The following ZNF462 variants were observed in gnomAD, a reference collection of about 807,000 sequenced individuals.
ZNF462 encodes zinc finger PBX1-interacting protein.
Under a neutral mutation model 201.9 loss-of-function variants are expected in ZNF462, and 10 were observed. The observed-to-expected ratio is 0.05, with a 90% CI of 0.03 to 0.08. ZNF462 has a LOEUF of 0.08. Among genes scored for constraint, ZNF462 ranks in the 10% least tolerant of loss-of-function variants. The pLI is 1.00. For missense variants in ZNF462, 2,523 were observed against 3,168.3 expected (o/e 0.80, Z 4.89); for synonymous variants, 1,227 against 1,193.3 (o/e 1.03, Z -0.58).
chr9:106,917,470 G>A lies in ZNF462; in HGVS notation c.-30-5884G>A, dbSNP rs1040684789. Among the ~76,000 whole-genome samples the A allele has an allele frequency of 5.3e-5, 8 of 152,198 alleles. No homozygotes were observed. Among genetic ancestry groups the A allele is most frequent in the African/African-American group, 1.9e-4 (8 of 41,440 alleles). On this transcript the variant is annotated intron_variant, in intron 1 of 12. Coordinates refer to ENST00000277225, the MANE Select transcript of ZNF462 (RefSeq NM_021224.6). This position sits in a 1 kb window ranked among gnomAD's most constrained non-coding sequence, Gnocchi z 4.5. ...CAACTGTATACAACAGAGGCCACATGCATTGGCAGGACTTCATCTCATGGT... is the reference window on the plus strand; with the variant it reads ...CAACTGTATACAACAGAGGCCACATACATTGGCAGGACTTCATCTCATGGT...
rs1831917305 is a variant in ZNF462 at position 106,963,161 on chromosome 9, A to G, written c.6428-8844A>G. Among the ~76,000 whole-genome samples, 1 of 152,096 alleles carries G rather than the reference A, an allele frequency of 6.6e-6. No individual in the cohort carries two copies. Among genetic ancestry groups the G allele is most frequent in the African/African-American group, 2.4e-5 (1 of 41,432 alleles). On this transcript the variant is annotated intron_variant, in intron 7 of 12. Coordinates refer to ENST00000277225, the MANE Select transcript of ZNF462 (RefSeq NM_021224.6). The surrounding 1 kb of genome is among the most constrained non-coding windows in gnomAD (Gnocchi z 4.7). ...TTTGTGGTTTTTATTGTTTCTCTGG[A>G]TACCAAATTCTGCTCAGTGTTAACA...
intron 1 of ZNF462, among the ~76,000 whole-genome samples, chr9:106,908,285 T>C (rs919987641): frequency 1.3e-5 from 2 of 152,172 alleles, no homozygotes; most frequent in African/African-American, 2.4e-5. Flanking sequence ...ATCTGTTAAG[T>C]GCTTATGCCT....
intron 1 of ZNF462, among the ~76,000 whole-genome samples, chr9:106,884,273 G>A (rs1382651386): frequency 6.6e-6 from 1 of 152,174 alleles, no homozygotes; most frequent in African/African-American, 2.4e-5. Flanking sequence ...AAGGGAGGAA[G>A]AAGCAGCCAC....
chr9:107,009,752 C>T lies in ZNF462; in HGVS notation c.7313+84C>T. The T allele has an allele frequency of 6.4e-7, 1 of 1,573,128 alleles. No homozygotes were observed. The highest frequency in any genetic ancestry group is 8.6e-7 in the Non-Finnish European group (1 of 1,157,076). The stretch of plus-strand genomic sequence containing the variant: ...GGGGCTCTTGTTTTGGTTCCCCTGA[C>T]AGTATGTACACCCCTCTGTGTCACA... On this transcript the variant is annotated intron_variant, in intron 12 of 12. Coordinates refer to ENST00000277225, the MANE Select transcript of ZNF462 (RefSeq NM_021224.6). The surrounding 1 kb of genome is among the most constrained non-coding windows in gnomAD (Gnocchi z 6.1).
rs576848715 is a variant in ZNF462 at position 106,886,628 on chromosome 9, A to G, written c.-31+23273A>G. On this transcript the variant is annotated intron_variant, in intron 1 of 12. Transcript: ENST00000277225. The surrounding 1 kb of genome is among the most constrained non-coding windows in gnomAD (Gnocchi z 4.6). ...GAAACTGGTTATATGGACCTAGGAA[A>G]TCATCCCACTTAACCCCTTCATTTT... Among the ~76,000 whole-genome samples, 36 of 152,292 alleles carry G rather than the reference A, an allele frequency of 2.4e-4. No individual in the cohort carries two copies. The highest frequency in any genetic ancestry group is 8.3e-4 in the South Asian group (4 of 4,824).
Position 106,981,131 on chromosome 9 carries a change from C to T in ZNF462, c.6833-3055C>T, listed in dbSNP as rs1232657201. ...TCTAAAATTAATATCTCAGTAAAAA[C>T]TCACATAATTAAGAGATTTGGTAGA... On this transcript the variant is annotated intron_variant, in intron 9 of 12. Coordinates refer to ENST00000277225, the MANE Select transcript of ZNF462 (RefSeq NM_021224.6). The surrounding 1 kb of genome is among the most constrained non-coding windows in gnomAD (Gnocchi z 4.0). 6.6e-6 allele frequency among the ~76,000 whole-genome samples: 1 copy of T among 152,070 alleles called. No homozygotes were observed. Among genetic ancestry groups the T allele is most frequent in the Non-Finnish European group, 1.5e-5 (1 of 68,012 alleles).
chr9:106,943,072 G>GTC (rs1223458013), intron 7 of ZNF462, among the ~76,000 whole-genome samples: 1 of 150,826 alleles, frequency 6.6e-6, no homozygotes, highest in East Asian at 1.9e-4. Flanking sequence ...GTGTGTGTGT[G>GTC]TGTGTGTGTG....
intron 1 of ZNF462, among the ~76,000 whole-genome samples, chr9:106,894,474 T>G (rs1404811197): frequency 6.6e-6 from 1 of 152,240 alleles, no homozygotes; most frequent in East Asian, 1.9e-4. Flanking sequence ...GTCTTTATCT[T>G]AAGGAAAATG....
At chr9:106,959,637 C>G (rs986533793) in intron 7 of ZNF462, among the ~76,000 whole-genome samples, 3 of 152,084 alleles carry the variant, frequency 2.0e-5, no homozygotes, top group African/African-American at 7.2e-5. Context: ...CCTCAACATA[C>G]TCTGGGAGCT....
chr9:106,939,492 T>G (rs1392173033), intron 7 of ZNF462, among the ~76,000 whole-genome samples: 2 of 152,188 alleles, frequency 1.3e-5, no homozygotes, highest in East Asian at 3.8e-4. Flanking sequence ...GCGAAATGTT[T>G]GGGGAGACAG....
At chr9:106,969,231 GA>G (rs1268245045) in intron 7 of ZNF462, among the ~76,000 whole-genome samples, 14 of 150,788 alleles carry the variant, frequency 9.3e-5, no homozygotes, top group African/African-American at 7.3e-5. Flanking sequence ...TAACCAGGAG[GA>G]AAAAAAAAAT....
At position 106,925,175 on chromosome 9, in the gene ZNF462, C is replaced by G. The variant is rs1830140390; in HGVS notation, c.1263C>G (p.Gly421=). The change falls in exon 3 of 13, where the codon GGC becomes GGG. Residue 421 remains glycine (G), a synonymous_variant. Transcript: ENST00000277225. The surrounding 1 kb of genome is among the most constrained non-coding windows in gnomAD (Gnocchi z 7.9). The stretch of plus-strand genomic sequence containing the variant: ...CAGAGCAGCTGATGGGCTCAGATGG[C>G]AACAAATTATTGGAGACCAAGGGGA... ...LSAEQLMGSD[G]NKLLETKGIP... is the part of the protein sequence containing the mutation. The G allele has an allele frequency of 3.1e-6, 5 of 1,614,064 alleles. No homozygotes were observed. The highest frequency in any genetic ancestry group is 1.3e-5 in the African/African-American group (1 of 74,926).
At chr9:106,864,262 C>T (rs1827228463) in intron 1 of ZNF462, among the ~76,000 whole-genome samples, 1 of 151,856 alleles carries the variant, frequency 6.6e-6, no homozygotes, top group African/African-American at 2.4e-5. Context: ...GAGGAGCTGT[C>T]TCCAGGCTGG....
intron 1 of ZNF462, among the ~76,000 whole-genome samples, chr9:106,903,745 C>G (rs1320655969): frequency 6.6e-6 from 1 of 152,176 alleles, no homozygotes; most frequent in Non-Finnish European, 1.5e-5. Context: ...ATAGTTACCC[C>G]TGCTCACTTT....
chr9:106,998,381 C>G (rs905845902), intron 10 of ZNF462, among the ~76,000 whole-genome samples: 7 of 152,018 alleles, frequency 4.6e-5, no homozygotes, highest in African/African-American at 1.7e-4. Flanking sequence ...TATCCTAGTA[C>G]AATATGAAAA....
Position 106,923,599 on chromosome 9 carries a change from A to G in ZNF462, c.216A>G (p.Leu72=), listed in dbSNP as rs757198334. The change falls in exon 2 of 13, where the codon TTA becomes TTG. Residue 72 remains leucine (L), a synonymous_variant. Coordinates refer to ENST00000277225, the MANE Select transcript of ZNF462 (RefSeq NM_021224.6). This position sits in a 1 kb window ranked among gnomAD's most constrained non-coding sequence, Gnocchi z 5.6. ...ATGAATTTGCCATTGCAGAAGATTT[A>G]TCAGGTAAATCTATACTAAACTTGG... The part of the protein sequence containing the change: ...IKDEFAIAED[L]SGQNATSLGT... 7 of 1,614,116 alleles carry G rather than the reference A, an allele frequency of 4.3e-6. No individual in the cohort carries two copies. Among genetic ancestry groups the G allele is most frequent in the Middle Eastern group, 1.6e-4 (1 of 6,062 alleles).
At chr9:106,947,852 C>T (rs939106264) in intron 7 of ZNF462, among the ~76,000 whole-genome samples, 9 of 152,092 alleles carry the variant, frequency 5.9e-5, no homozygotes, top group African/African-American at 1.7e-4. Flanking sequence ...GCCTTGGCTG[C>T]TTATATGTCT....
chr9:106,995,374 A>C (rs1305956161), intron 10 of ZNF462: 1 of 152,122 alleles, frequency 6.6e-6, no homozygotes, highest in Non-Finnish European at 1.5e-5. Context: ...TTTTGAAAAA[A>C]ATTCGGAAAG....
chr9:106,944,197 A>G (rs1382196537), intron 7 of ZNF462, among the ~76,000 whole-genome samples: 1 of 152,134 alleles, frequency 6.6e-6, no homozygotes, highest in Non-Finnish European at 1.5e-5. Context: ...AGAGTGGGCT[A>G]ATTTGTTCTC....
Sources: allele counts gnomAD v4.1 joint callset (sites outside exome capture counted in the v4.1 genomes callset), GRCh38; gene constraint gnomAD v4.1.1; non-coding constraint Gnocchi (gnomAD v3.1); transcripts MANE v1.5; gene names NCBI Gene and HGNC (gene_info 2026-07-23, HGNC 2026-07-21).